SGMS1: variants seen among roughly 807,000 people sequenced by gnomAD.
SGMS1 encodes the protein phosphatidylcholine:ceramide cholinephosphotransferase 1.
A neutral mutation model predicts 46.2 loss-of-function variants in SGMS1; 13 were observed. That is an observed-to-expected ratio of 0.28 (90% CI 0.18 to 0.45). The LOEUF (loss-of-function observed/expected upper bound fraction) is 0.45, where lower values mean the gene tolerates loss of function less well. SGMS1 is among the 20% of genes least tolerant of loss of function. The pLI, the probability that SGMS1 is intolerant of heterozygous loss-of-function variation, is 1.00. For synonymous variants in SGMS1, 203 were observed against 187.8 expected (o/e 1.08, Z -0.66); for missense variants, 324 against 519.9 (o/e 0.62, Z 3.66).
chr10:50,310,967 C>G (rs1847243395), intron 9 of SGMS1, among the ~76,000 whole-genome samples: 1 of 152,234 alleles, frequency 6.6e-6, no homozygotes, highest in East Asian at 1.9e-4. Flanking sequence ...CCATCTGGCT[C>G]CTTACAGCAG....
At chr10:50,366,873 C>T (rs1195592081) in intron 6 of SGMS1, among the ~76,000 whole-genome samples, 2 of 152,034 alleles carry the variant, frequency 1.3e-5, no homozygotes, top group Admixed American at 1.3e-4. Flanking sequence ...ATGGGTGCAG[C>T]AAACCACCAT....
chr10:50,365,136 T>G (rs114514871), intron 6 of SGMS1, among the ~76,000 whole-genome samples: 1 of 151,500 alleles, frequency 6.6e-6, no homozygotes, highest in African/African-American at 2.4e-5. Flanking sequence ...TGGTGGAGCA[T>G]GTAGTCCCAG....
chr10:50,308,101 T>C lies in SGMS1; in HGVS notation c.943A>G (p.Ser315Gly). 1 of 1,613,904 alleles carries C rather than the reference T, an allele frequency of 6.2e-7. No homozygotes were observed. Among genetic ancestry groups the C allele is most frequent in the Non-Finnish European group, 8.5e-7 (1 of 1,179,894 alleles). Residue 315 changes from serine (S) to glycine (G), a missense_variant, in exon 10 of 11, where the codon AGC becomes GGC. Ser to Gly is a moderately conservative substitution (Grantham distance 56). Transcript: ENST00000361781. ...AGAATACAGAAGATTCCAACTACGC[T>C]GAGAAGCCAGCAAATCCAGTGATAC... ...WWYHWICWLL[S>G]VVGIFCILLA...
intron 2 of SGMS1, among the ~76,000 whole-genome samples, chr10:50,566,708 A>G (rs1237808518): frequency 6.6e-6 from 1 of 152,220 alleles, no homozygotes; most frequent in African/African-American, 2.4e-5. Flanking sequence ...TGAGTTATAC[A>G]CAGTACGGTG....
chr10:50,615,173 A>G (rs1449415883), intron 1 of SGMS1, among the ~76,000 whole-genome samples: 1 of 152,184 alleles, frequency 6.6e-6, no homozygotes, highest in Non-Finnish European at 1.5e-5. Flanking sequence ...TCAGTCTGCA[A>G]CCTGAGCGCC....
In SGMS1 at chr10:50,555,556, T is replaced by A. The variant is rs551814160; in HGVS notation, c.-589+34597A>T. 2.0e-5 allele frequency among the ~76,000 whole-genome samples: 3 copies of A among 152,326 alleles called. No individual in the cohort carries two copies. In the East Asian group the frequency reaches 5.8e-4, roughly 29 times the overall value. On this transcript the variant is annotated intron_variant, in intron 2 of 10. Coordinates refer to ENST00000361781, the MANE Select transcript of SGMS1 (RefSeq NM_147156.4). ...GCCTCTGCTTCAAAGATCATTCTTATACAAGGAAACATTTATTAAAAGAGG... is the reference window on the plus strand; with the variant it reads ...GCCTCTGCTTCAAAGATCATTCTTAAACAAGGAAACATTTATTAAAAGAGG...
intron 1 of SGMS1, among the ~76,000 whole-genome samples, chr10:50,596,622 C>T (rs985753425): frequency 3.3e-5 from 5 of 152,164 alleles, no homozygotes; most frequent in Non-Finnish European, 7.3e-5. Flanking sequence ...ACATTTGGCA[C>T]ATTTAACCTT....
intron 6 of SGMS1, among the ~76,000 whole-genome samples, chr10:50,357,074 T>TA (rs1273618698): frequency 0.02 from 2,605 of 133,370 alleles, 70 homozygotes; most frequent in African/African-American, 0.062. Context: ...TAAAGTATAA[T>TA]AAAAAAAAAA....
intron 6 of SGMS1, among the ~76,000 whole-genome samples, chr10:50,373,145 C>A (rs1293552307): frequency 6.6e-6 from 1 of 152,070 alleles, no homozygotes; most frequent in Non-Finnish European, 1.5e-5. Flanking sequence ...TAAACACAGG[C>A]CCTTATAGAT....
At chr10:50,502,761 T>C (rs1837672557) in intron 3 of SGMS1, among the ~76,000 whole-genome samples, 1 of 152,196 alleles carries the variant, frequency 6.6e-6, no homozygotes, top group African/African-American at 2.4e-5. Context: ...AGCCTTTTTC[T>C]AAAGGAAGTA....
chr10:50,377,012 AAC>A (rs1264806818), intron 6 of SGMS1, among the ~76,000 whole-genome samples: 2 of 152,346 alleles, frequency 1.3e-5, no homozygotes, highest in East Asian at 3.9e-4. Flanking sequence ...AACTTCTTGC[AAC>A]AGTCTCCCTG....
At chr10:50,501,916 T>G (rs571633072) in intron 3 of SGMS1, among the ~76,000 whole-genome samples, 40 of 152,228 alleles carry the variant, frequency 2.6e-4, no homozygotes, top group Non-Finnish European at 4.9e-4. Flanking sequence ...TCAGCCAAAC[T>G]GCACATCTTG....
intron 6 of SGMS1, among the ~76,000 whole-genome samples, chr10:50,397,877 C>T (rs756337845): frequency 2.0e-5 from 3 of 152,122 alleles, no homozygotes; most frequent in Non-Finnish European, 2.9e-5. Flanking sequence ...ATGTGACCTA[C>T]GAAGGGCTGA....
At chr10:50,320,706 G>T in intron 8 of SGMS1, among the ~76,000 whole-genome samples, 1 of 152,288 alleles carries the variant, frequency 6.6e-6, no homozygotes, top group African/African-American at 2.4e-5. Flanking sequence ...CATCTAACTT[G>T]ACCTTATTCC....
intron 8 of SGMS1, among the ~76,000 whole-genome samples, chr10:50,321,323 G>T (rs193180501): frequency 1.3e-3 from 191 of 152,266 alleles, no homozygotes; most frequent in Admixed American, 2.8e-3. Context: ...GTCATGAGTG[G>T]TTCTAAAATC....
chr10:50,566,479 G>A (rs1275437169), intron 2 of SGMS1, among the ~76,000 whole-genome samples: 2 of 152,080 alleles, frequency 1.3e-5, no homozygotes, highest in African/African-American at 4.8e-5. Flanking sequence ...TCTGATTCTT[G>A]TATACTGGAA....
At position 50,330,363 on chromosome 10, in the gene SGMS1, T is replaced by G. The variant is rs150053417; in HGVS notation, c.624-3041A>C. On this transcript the variant is annotated intron_variant, in intron 7 of 10. Coordinates refer to ENST00000361781, the MANE Select transcript of SGMS1 (RefSeq NM_147156.4). ...AGCTGGACATGGTGGCATGCGCCTGTAGTTCCAGCTACTCTGGAGGCTGCA... is the reference window on the plus strand; with the variant it reads ...AGCTGGACATGGTGGCATGCGCCTGGAGTTCCAGCTACTCTGGAGGCTGCA... Among the ~76,000 whole-genome samples, 558 of 152,278 alleles carry G rather than the reference T, an allele frequency of 3.7e-3. 4 individuals carry two copies. Among genetic ancestry groups the G allele is most frequent in the African/African-American group, 0.013 (545 of 41,552 alleles).
At chr10:50,450,265 A>AGTGAGT (rs1386322946) in intron 5 of SGMS1, among the ~76,000 whole-genome samples, 7 of 152,156 alleles carry the variant, frequency 4.6e-5, no homozygotes, top group Admixed American at 4.6e-4. Context: ...GGAAGAGAGG[A>AGTGAGT]GTGAGTGTGA....
chr10:50,383,683 C>T (rs1304479762), intron 6 of SGMS1, among the ~76,000 whole-genome samples: 2 of 151,880 alleles, frequency 1.3e-5, no homozygotes, highest in African/African-American at 2.4e-5. Flanking sequence ...TTTTAAATTG[C>T]CTTAATTCTC....
Sources: gnomAD v4.1 joint callset for allele counts (sites outside exome capture counted in the v4.1 genomes callset) on GRCh38, gnomAD v4.1.1 for gene constraint, MANE v1.5 for transcripts, NCBI Gene and HGNC (gene_info 2026-07-23, HGNC 2026-07-21) for gene names.